GHR: variants seen among roughly 807,000 people sequenced by gnomAD.
GHR encodes the protein GH receptor.
Under a neutral mutation model 67.1 loss-of-function variants are expected in GHR, and 35 were observed. That is an observed-to-expected ratio of 0.52 (90% confidence interval 0.40 to 0.69). GHR has a LOEUF of 0.69. Ranked by LOEUF, GHR falls within the 30% of genes least tolerant of loss-of-function variation. GHR has a pLI of 0.00. For synonymous variants in GHR, 272 were observed against 269.1 expected (o/e 1.01, Z -0.10); for missense variants, 792 against 764.6 (o/e 1.04, Z -0.42).
intron 1 of GHR, among the ~76,000 whole-genome samples, chr5:42,490,336 A>T (rs1406691463): frequency 1.3e-5 from 2 of 152,228 alleles, no homozygotes; most frequent in African/African-American, 4.8e-5. Flanking sequence ...TGTAGCTATG[A>T]TTATAACCCT....
At chr5:42,430,506 C>T (rs923000159) in intron 1 of GHR, among the ~76,000 whole-genome samples, 1 of 152,080 alleles carries the variant, frequency 6.6e-6, no homozygotes, top group African/African-American at 2.4e-5. Context: ...GTGATATAAA[C>T]TGACATCTGA....
At chr5:42,662,717 C>T (rs985577131) in intron 3 of GHR, among the ~76,000 whole-genome samples, 6 of 152,036 alleles carry the variant, frequency 3.9e-5, no homozygotes, top group African/African-American at 1.4e-4. Context: ...AGAGCAAACA[C>T]ATTCAAAAGC....
chr5:42,540,219 C>T (rs866053367), intron 1 of GHR, among the ~76,000 whole-genome samples: 2 of 148,790 alleles, frequency 1.3e-5, no homozygotes, highest in African/African-American at 2.5e-5. Flanking sequence ...CTCTCTCTCT[C>T]TGTATCTCTC....
At chr5:42,556,031 C>T (rs1024357930) in intron 1 of GHR, among the ~76,000 whole-genome samples, 4 of 151,800 alleles carry the variant, frequency 2.6e-5, no homozygotes, top group Non-Finnish European at 4.4e-5. Context: ...TCTAGTAATG[C>T]CTTTCCTGGG....
rs1388654847 is a variant in GHR, at chr5:42,670,876, A to ATAT, written c.137-18014_137-18013insTAT. Among the ~76,000 whole-genome samples, 229 of 94,948 alleles carry ATAT rather than the reference A, an allele frequency of 2.4e-3. 1 individual carries two copies. Among genetic ancestry groups the ATAT allele is most frequent in the African/African-American group, 7.6e-3 (210 of 27,610 alleles). 62.3% of individuals were successfully genotyped at this position (94,948 alleles called of 152,430 possible). On this transcript the variant is annotated intron_variant, in intron 3 of 9. Transcript: ENST00000230882. The stretch of plus-strand genomic sequence containing the variant: ...AAAAAAGCAAAAATTAAAAAAAAAA[A>ATAT]AAAAATATATATATATATATAGGCA...
intron 1 of GHR, among the ~76,000 whole-genome samples, chr5:42,441,634 T>A (rs1479060830): frequency 6.6e-6 from 1 of 151,950 alleles, no homozygotes. Context: ...CTCAGCCTCC[T>A]GAGTAGCTGG....
At chr5:42,659,758 G>A (rs1027898019) in intron 3 of GHR, among the ~76,000 whole-genome samples, 5 of 152,132 alleles carry the variant, frequency 3.3e-5, no homozygotes, top group Middle Eastern at 3.2e-3. Flanking sequence ...CAGTGGGCCC[G>A]GGACAGTGGG....
intron 3 of GHR, among the ~76,000 whole-genome samples, chr5:42,667,300 C>G (rs771045921): frequency 2.6e-5 from 4 of 152,158 alleles, no homozygotes; most frequent in African/African-American, 9.7e-5. Flanking sequence ...TCAACATCCT[C>G]TTATATGGAG....
intron 2 of GHR, among the ~76,000 whole-genome samples, chr5:42,591,540 T>C (rs924557160): frequency 2.0e-5 from 3 of 152,188 alleles, no homozygotes; most frequent in East Asian, 3.9e-4. Flanking sequence ...TCAACGACTG[T>C]TCCACTAATC....
At chr5:42,447,675 TTCTCCCTCCCTCCCTCCCTCCCTCTATC>T (rs1337433647) in intron 1 of GHR, among the ~76,000 whole-genome samples, 1 of 148,522 alleles carries the variant, frequency 6.7e-6, no homozygotes, top group East Asian at 2.0e-4. Context: ...TTTCCTTGTT[TTCTCCCTCCCTCCCTCCCTCCCTCTATC>T]TCTCCCTCCC....
intron 1 of GHR, among the ~76,000 whole-genome samples, chr5:42,448,738 G>A (rs2111989149): frequency 6.6e-6 from 1 of 151,924 alleles, no homozygotes; most frequent in African/African-American, 2.4e-5. Context: ...TTTTTTTGAT[G>A]TTATCTTCTA....
At chr5:42,638,776 TTA>T (rs1754325377) in intron 3 of GHR, among the ~76,000 whole-genome samples, 1 of 152,194 alleles carries the variant, frequency 6.6e-6, no homozygotes, top group Non-Finnish European at 1.5e-5. Context: ...ATATATACAT[TTA>T]ATGGTTTGTA....
chr5:42,433,542 G>A (rs137916830), intron 1 of GHR, among the ~76,000 whole-genome samples: 1 of 151,926 alleles, frequency 6.6e-6, no homozygotes, highest in Non-Finnish European at 1.5e-5. Context: ...AAGCTAGAAG[G>A]CAACACTATT....
At chr5:42,531,622 A>G (rs186247252) in intron 1 of GHR, among the ~76,000 whole-genome samples, 1 of 152,268 alleles carries the variant, frequency 6.6e-6, no homozygotes, top group Non-Finnish European at 1.5e-5. Context: ...TGTGTTCTAC[A>G]CAGAGGTTCC....
At chr5:42,671,641 TAA>T (rs33934676) in intron 3 of GHR, among the ~76,000 whole-genome samples, 139 of 136,706 alleles carry the variant, frequency 1.0e-3, no homozygotes, top group African/African-American at 3.4e-3. Context: ...CCCTTCATGT[TAA>T]AAAAAAAAAA....
chr5:42,698,529 G>T (rs1238687696), intron 5 of GHR, among the ~76,000 whole-genome samples: 1 of 152,110 alleles, frequency 6.6e-6, no homozygotes, highest in African/African-American at 2.4e-5. Flanking sequence ...ATGTAGTCAT[G>T]ATTCATCAAA....
intron 2 of GHR, among the ~76,000 whole-genome samples, chr5:42,579,826 T>C (rs1357606420): frequency 6.6e-6 from 1 of 152,208 alleles, no homozygotes; most frequent in Non-Finnish European, 1.5e-5. Context: ...GAAATCAATC[T>C]GCCATATTTA....
chr5:42,548,090 G>A (rs1365519860), intron 1 of GHR: 28 of 985,314 alleles, frequency 2.8e-5, no homozygotes, highest in Non-Finnish European at 3.3e-5. Flanking sequence ...GGCCTCATGA[G>A]ACTCCAGCCT....
intron 2 of GHR, among the ~76,000 whole-genome samples, chr5:42,609,989 C>T (rs1580050973): frequency 1.3e-5 from 2 of 152,080 alleles, no homozygotes; most frequent in African/African-American, 2.4e-5. Flanking sequence ...ATGAAAGGGC[C>T]TTGACAGCTA....
Sources: gnomAD v4.1 joint callset for allele counts (sites outside exome capture counted in the v4.1 genomes callset) on GRCh38, gnomAD v4.1.1 for gene constraint, MANE v1.5 for transcripts, NCBI Gene and HGNC (gene_info 2026-07-23, HGNC 2026-07-21) for gene names.